Variants in ATXN2 observed in about 807,000 individuals in gnomAD.
The protein encoded by ATXN2 is ataxin-2.
ATXN2 carries 37 observed loss-of-function variants against 138.6 expected under a neutral mutation model. The ratio of observed to expected loss-of-function variants is 0.27; its 90% CI spans 0.21 to 0.35. The LOEUF is 0.35. Ranked by LOEUF, ATXN2 falls within the 10% of genes least tolerant of loss-of-function variation. The pLI is 1.00. For synonymous variants in ATXN2, 549 were observed against 543.7 expected, an observed-to-expected ratio of 1.01 and a Z score of -0.13; for missense variants, 1,216 against 1,480.3, an observed-to-expected ratio of 0.82 and a Z score of 2.93.
At chr12:111,576,085 A>C (rs201873124) in intron 1 of ATXN2, among the ~76,000 whole-genome samples, 5 of 123,454 alleles carry the variant, frequency 4.1e-5, no homozygotes, top group African/African-American at 9.9e-5. Context: ...TCTGTCTTAA[A>C]ATAACATAAC....
rs1874790702 is a variant in ATXN2 at position 111,453,078 on chromosome 12, G to C, written c.3440-238C>G. The stretch of plus-strand genomic sequence containing the variant: ...AAACTCCCAGAAGACTTGTTCATGG[G>C]GTAGAAAAAAAGGCCTTAACAAACC... On this transcript the variant is annotated intron_variant, in intron 24 of 24. Transcript: ENST00000673436. This position sits in a 1 kb window ranked among gnomAD's most constrained non-coding sequence, Gnocchi z 5.4. 1 of 1,281,522 alleles carries C rather than the reference G, an allele frequency of 7.8e-7. No individual in the cohort carries two copies. The highest frequency in any genetic ancestry group is 9.8e-7 in the Non-Finnish European group (1 of 1,016,148). 79.4% of individuals were successfully genotyped at this position (1,281,522 alleles called of 1,614,324 possible). A position where few individuals can be genotyped will look rare whatever the true frequency, so the allele number is the denominator to read the frequency against.
At chr12:111,519,170 G>A (rs1880021388) in intron 8 of ATXN2, among the ~76,000 whole-genome samples, 1 of 152,102 alleles carries the variant, frequency 6.6e-6, no homozygotes, top group African/African-American at 2.4e-5. Flanking sequence ...AACTATTTCA[G>A]TGCACTAACT....
chr12:111,579,450 T>C (rs905456060), intron 1 of ATXN2, among the ~76,000 whole-genome samples: 1 of 151,610 alleles, frequency 6.6e-6, no homozygotes, highest in Admixed American at 6.6e-5. Flanking sequence ...TTAGTAGAGA[T>C]GGGGTTTCTC....
At chr12:111,520,228 G>T in intron 7 of ATXN2, 152 bp from the exon 8 acceptor site, 2 of 1,070,574 alleles carry the variant, frequency 1.9e-6, no homozygotes, top group Non-Finnish European at 1.3e-6. Flanking sequence ...ATAGTGATCT[G>T]TGTATTTATA....
rs769559576 is a variant in ATXN2, at chr12:111,470,682, G to A, written c.2585C>T (p.Ala862Val). The A allele has an allele frequency of 6.8e-6, 11 of 1,614,060 alleles. No individual in the cohort carries two copies. Among genetic ancestry groups the A allele is most frequent in the South Asian group, 2.2e-5 (2 of 91,086 alleles). The stretch of plus-strand genomic sequence containing the variant: ...TGCAATCGGTGGGCCCGCTGCTGAC[G>A]CTGGGTGCATCATGGCACTCTGATG... ...QHHQSAMMHP[A>V]SAAGPPIAAT... Residue 862 changes from alanine to valine, a missense_variant, in exon 19 of 25, where the codon GCG becomes GTG. By Grantham distance (64) the Ala-to-Val change is moderately conservative (BLOSUM62 0). Coordinates refer to ENST00000673436, the MANE Select transcript of ATXN2 (RefSeq NM_001372574.1).
intron 14 of ATXN2, among the ~76,000 whole-genome samples, chr12:111,495,308 C>CA (rs374203441): frequency 0.079 from 4,736 of 59,808 alleles, 279 homozygotes; most frequent in African/African-American, 0.18. Flanking sequence ...AACTCTGTCT[C>CA]AAAAAAAAAA....
intron 1 of ATXN2, among the ~76,000 whole-genome samples, chr12:111,587,362 G>GA (rs1291730826): frequency 6.6e-6 from 1 of 152,080 alleles, no homozygotes; most frequent in African/African-American, 2.4e-5. Context: ...AAACGTCAAT[G>GA]AAAAATATTT....
chr12:111,588,017 T>A (rs1402632650), intron 1 of ATXN2, among the ~76,000 whole-genome samples: 1 of 151,658 alleles, frequency 6.6e-6, no homozygotes, highest in African/African-American at 2.4e-5. Context: ...AAACTCCACA[T>A]CTACTGAAAA....
chr12:111,483,046 G>A (rs190981878), intron 18 of ATXN2, among the ~76,000 whole-genome samples: 1 of 151,850 alleles, frequency 6.6e-6, no homozygotes, highest in Non-Finnish European at 1.5e-5. Flanking sequence ...AATTAGCTAG[G>A]TGTGGTGGTG....
intron 11 of ATXN2, 173 bp from the exon 12 acceptor site, chr12:111,510,755 A>T (rs1359943345): frequency 5.9e-6 from 3 of 505,054 alleles, no homozygotes; most frequent in Non-Finnish European, 6.8e-6. Flanking sequence ...TGGCAATCAA[A>T]ACCACAAGTA....
chr12:111,493,056 A>C (rs1312653900), intron 14 of ATXN2, among the ~76,000 whole-genome samples: 2 of 152,232 alleles, frequency 1.3e-5, no homozygotes, highest in African/African-American at 4.8e-5. Context: ...AAAATGCATC[A>C]GTCTCTCAAT....
At chr12:111,493,763 G>C (rs1261277352) in intron 14 of ATXN2, among the ~76,000 whole-genome samples, 1 of 151,662 alleles carries the variant, frequency 6.6e-6, no homozygotes, top group Non-Finnish European at 1.5e-5. Context: ...TGAGTAGCTA[G>C]GATTACAGGT....
At chr12:111,546,563 A>T (rs761628193) in intron 5 of ATXN2, among the ~76,000 whole-genome samples, 4 of 152,230 alleles carry the variant, frequency 2.6e-5, no homozygotes, top group Non-Finnish European at 5.9e-5. Context: ...GAACAATGGA[A>T]TAAGGAAACA....
At chr12:111,579,251 T>C (rs1883849768) in intron 1 of ATXN2, among the ~76,000 whole-genome samples, 1 of 152,140 alleles carries the variant, frequency 6.6e-6, no homozygotes, top group East Asian at 1.9e-4. Context: ...ACATAAATAT[T>C]CATACCAGCT....
At chr12:111,562,720 C>CAAA (rs34625134) in intron 1 of ATXN2, among the ~76,000 whole-genome samples, 43 of 55,920 alleles carry the variant, frequency 7.7e-4, no homozygotes, top group Non-Finnish European at 1.1e-3. Flanking sequence ...AACTCCATCT[C>CAAA]AAAAAAAAAA....
intron 14 of ATXN2, among the ~76,000 whole-genome samples, chr12:111,504,950 C>T (rs937170944): frequency 6.6e-6 from 1 of 152,106 alleles, no homozygotes; most frequent in African/African-American, 2.4e-5. Context: ...AGGGCGAGTC[C>T]GCAGTGCAAG....
rs553336363 is a variant in ATXN2, at chr12:111,579,699, CT to C, written c.251+19084del. Among the ~76,000 whole-genome samples the C allele has an allele frequency of 8.2e-3, 1,136 of 138,670 alleles. 9 individuals carry two copies. The highest frequency in any genetic ancestry group is 0.018 in the African/African-American group (691 of 37,948). 91.0% of individuals were successfully genotyped at this position (138,670 alleles called of 152,430 possible). A position where few individuals can be genotyped will look rare whatever the true frequency, so the allele number is the denominator to read the frequency against. ...ACTAACATGCAATAGTACAGACGACCTTTTTTTTTTTTTTTTGAGATAAGAG... is the reference window on the plus strand; with the variant it reads ...ACTAACATGCAATAGTACAGACGACCTTTTTTTTTTTTTTTGAGATAAGAG... On this transcript the variant is annotated intron_variant, in intron 1 of 24. Transcript: ENST00000673436.
rs750371516 is a variant in ATXN2 at position 111,536,777 on chromosome 12, G to GTTT, written c.572-11464_572-11462dup. Among the ~76,000 whole-genome samples the GTTT allele has an allele frequency of 5.0e-3, 486 of 96,784 alleles. 7 individuals carry two copies. The highest frequency in any genetic ancestry group is 0.014 in the East Asian group (35 of 2,554). The allele number at this position is 96,784 out of a possible 152,430, so 63.5% of individuals were successfully genotyped here. A position where few individuals can be genotyped will look rare whatever the true frequency, so the allele number is the denominator to read the frequency against. The stretch of plus-strand genomic sequence containing the variant: ...AATTGAAAACCTATGTCCACACGCA[G>GTTT]TTTTTTTTTTTTTTTTTTTTTTTTG... On this transcript the variant is annotated intron_variant, in intron 5 of 24. Transcript: ENST00000673436.
intron 18 of ATXN2, 188 bp from the exon 19 acceptor site, chr12:111,470,930 A>C (rs771510504): frequency 9.9e-6 from 6 of 603,456 alleles, no homozygotes; most frequent in Non-Finnish European, 1.7e-5. Flanking sequence ...AGCCTCAAAC[A>C]CCAGTTCCCA....
Sources: allele counts gnomAD v4.1 joint callset (sites outside exome capture counted in the v4.1 genomes callset), GRCh38; gene constraint gnomAD v4.1.1; non-coding constraint Gnocchi (gnomAD v3.1); transcripts MANE v1.5; gene names NCBI Gene and HGNC (gene_info 2026-07-23, HGNC 2026-07-21).